Variants in SNAP47 observed in about 807,000 individuals in gnomAD.
SNAP47 encodes the protein synaptosome associated protein 47, also known as synaptosomal-associated protein 47.
A neutral mutation model predicts 31.4 loss-of-function variants in SNAP47; 20 were observed. The observed-to-expected ratio is 0.64, with a 90% CI of 0.45 to 0.93. The LOEUF (loss-of-function observed/expected upper bound fraction) is 0.93. Among genes scored for constraint, SNAP47 ranks in the 40% least tolerant of loss-of-function variants. SNAP47 has a pLI of 0.00. For synonymous variants in SNAP47, 194 were observed against 213.4 expected, an observed-to-expected ratio of 0.91 and a Z score of 0.79; for missense variants, 492 against 528.5, an observed-to-expected ratio of 0.93 and a Z score of 0.68.
At chr1:227,753,305 C>A (rs1218505511) in intron 2 of SNAP47, among the ~76,000 whole-genome samples, 2 of 152,224 alleles carry the variant, frequency 1.3e-5, no homozygotes, top group Non-Finnish European at 2.9e-5. Context: ...GCCTTGTTAA[C>A]ATCTGATTAA....
Position 227,759,246 on chromosome 1 carries a change from T to G in SNAP47, c.749T>G (p.Phe250Cys). 1 of 1,614,222 alleles carries G rather than the reference T, an allele frequency of 6.2e-7. No individual in the cohort carries two copies. The highest frequency in any genetic ancestry group is 8.5e-7 in the Non-Finnish European group (1 of 1,180,048). The change falls in exon 3 of 5, where the codon TTT (phenylalanine) becomes TGT (cysteine). Residue 250 changes from phenylalanine to cysteine, a missense_variant. Transcript: ENST00000617596. ...TCCAGTTCTTTGCTCATGCACAGGTTTGAAAGAGAAGACGTGGACGACATC... is the reference window on the plus strand; with the variant it reads ...TCCAGTTCTTTGCTCATGCACAGGTGTGAAAGAGAAGACGTGGACGACATC... ...HDSSSLLMHR[F>C]EREDVDDIKV...
At chr1:227,746,959 C>A (rs1406712270) in intron 1 of SNAP47, 1 of 152,214 alleles carries the variant, frequency 6.6e-6, no homozygotes, top group Non-Finnish European at 1.5e-5. Flanking sequence ...CTGCATGTTC[C>A]ATGAGGATTC....
chr1:227,779,029 A>G (rs948028763), intron 4 of SNAP47, among the ~76,000 whole-genome samples: 15 of 152,082 alleles, frequency 9.9e-5, no homozygotes, highest in African/African-American at 4.8e-5. Flanking sequence ...TCAGCCCCCA[A>G]CTCCCTGTGC....
chr1:227,743,245 G>C (rs1661736572), intron 1 of SNAP47, among the ~76,000 whole-genome samples: 1 of 152,192 alleles, frequency 6.6e-6, no homozygotes, highest in Non-Finnish European at 1.5e-5. Context: ...CCCACCCACG[G>C]ATCTGCTTGG....
intron 1 of SNAP47, among the ~76,000 whole-genome samples, chr1:227,742,061 G>A (rs1047262419): frequency 6.7e-6 from 1 of 149,094 alleles, no homozygotes; most frequent in Non-Finnish European, 1.5e-5. Context: ...TTAAGTTTTA[G>A]GGTACGTGTG....
In SNAP47 at chr1:227,766,947, C is replaced by G; in HGVS notation, c.989-12C>G. 1.2e-6 allele frequency: 2 copies of G among 1,613,442 alleles called. No individual in the cohort carries two copies. Among genetic ancestry groups the G allele is most frequent in the Non-Finnish European group, 1.7e-6 (2 of 1,179,802 alleles). ...GAGAGATGTCACTGCTGACCATCTG[C>G]TCTCCTTGCAGCATCTGGGCTGATG... On this transcript the variant is annotated splice_polypyrimidine_tract_variant and intron_variant, in intron 3 of 4. Transcript: ENST00000617596.
intron 4 of SNAP47, among the ~76,000 whole-genome samples, chr1:227,774,311 T>TA (rs1186120353): frequency 6.6e-6 from 1 of 152,250 alleles, no homozygotes; most frequent in Non-Finnish European, 1.5e-5. Flanking sequence ...CAGCAGGTAT[T>TA]ACGCAGTCTT....
At chr1:227,728,682 C>T (rs1660457165) in exon 1 of SNAP47, 1 of 151,720 alleles carries the variant, frequency 6.6e-6, no homozygotes, top group South Asian at 2.1e-4. Flanking sequence ...CGGTTCCTGC[C>T]CTCACAGGGT....
At chr1:227,735,621 G>C in intron 1 of SNAP47, 122 bp downstream of exon 1, 1 of 1,326,344 alleles carries the variant, frequency 7.5e-7, no homozygotes, top group Non-Finnish European at 9.6e-7. Context: ...TCCCCGGGGG[G>C]TGGGGGGTAT....
intron 2 of SNAP47, among the ~76,000 whole-genome samples, chr1:227,751,296 C>T (rs1389898311): frequency 5.3e-5 from 8 of 152,196 alleles, no homozygotes; most frequent in Admixed American, 2.0e-4. Context: ...TGCCACCCTG[C>T]GCCAGCCCCA....
At chr1:227,734,088 G>A, upstream of SNAP47, 7 of 1,577,756 alleles carry the variant, frequency 4.4e-6, no homozygotes, top group Non-Finnish European at 6.0e-6. Context: ...AGGAGACTAG[G>A]GCAGCACGAG....
At chr1:227,754,971 T>C (rs1662604938) in intron 2 of SNAP47, among the ~76,000 whole-genome samples, 1 of 152,112 alleles carries the variant, frequency 6.6e-6, no homozygotes, top group African/African-American at 2.4e-5. Context: ...ACTGAATGGA[T>C]CCCATCTTGG....
In SNAP47 at chr1:227,758,994, G is replaced by A; in HGVS notation, c.498-1G>A. On this transcript the variant is annotated splice_acceptor_variant, in intron 2 of 4. Coordinates refer to ENST00000617596, the MANE Select transcript of SNAP47 (RefSeq NM_053052.4). LOFTEE classifies it high-confidence loss of function. The stretch of plus-strand genomic sequence containing the variant: ...TTTCCATGTTTTGTTTGCTTTTTCA[G>A]ATTGCTGACAGAACTGGAATCTCCT... The A allele has an allele frequency of 6.4e-7, 1 of 1,569,358 alleles. No individual in the cohort carries two copies. The highest frequency in any genetic ancestry group is 8.6e-7 in the Non-Finnish European group (1 of 1,161,636).
chr1:227,764,565 C>T (rs1020763247), intron 3 of SNAP47, among the ~76,000 whole-genome samples: 5 of 152,072 alleles, frequency 3.3e-5, no homozygotes, highest in Middle Eastern at 3.4e-3. Flanking sequence ...TGCAGGAGGA[C>T]GAGACCAGCC....
chr1:227,743,001 G>T (rs1661714533), intron 1 of SNAP47, among the ~76,000 whole-genome samples: 1 of 152,182 alleles, frequency 6.6e-6, no homozygotes, highest in African/African-American at 2.4e-5. Context: ...GAGGGGGTGG[G>T]TCCTGTGTAT....
intron 4 of SNAP47, chr1:227,776,871 G>T: frequency 1.0e-6 from 1 of 985,426 alleles, no homozygotes; most frequent in East Asian, 1.1e-4. Flanking sequence ...TCTCTTTTAA[G>T]GCCTTCAACG....
intron 4 of SNAP47, among the ~76,000 whole-genome samples, chr1:227,779,960 C>T (rs1664369432): frequency 6.6e-6 from 1 of 152,202 alleles, no homozygotes; most frequent in African/African-American, 2.4e-5. Flanking sequence ...CTGCCCTCCA[C>T]CGTATGGAGA....
intron 2 of SNAP47, among the ~76,000 whole-genome samples, chr1:227,756,480 G>A (rs972269771): frequency 5.9e-5 from 9 of 152,190 alleles, no homozygotes; most frequent in African/African-American, 1.7e-4. Context: ...TCCCCTGTGC[G>A]TGACCAGGTG....
At chr1:227,753,957 G>A (rs187498705) in intron 2 of SNAP47, among the ~76,000 whole-genome samples, 168 of 152,336 alleles carry the variant, frequency 1.1e-3, no homozygotes, top group Non-Finnish European at 1.8e-3. Context: ...TAGGTGGCTT[G>A]TGTTAACCAG....
Sources: allele counts gnomAD v4.1 joint callset (sites outside exome capture counted in the v4.1 genomes callset), GRCh38; gene constraint gnomAD v4.1.1; transcripts MANE v1.5; gene names NCBI Gene and HGNC (gene_info 2026-07-23, HGNC 2026-07-21).